TMEM196: variants seen among roughly 807,000 people sequenced by gnomAD.
TMEM196 encodes transmembrane protein 196.
Under a neutral mutation model 20.0 loss-of-function variants are expected in TMEM196, and 17 were observed. That is an observed-to-expected ratio of 0.85 (90% CI 0.58 to 1.27). The LOEUF is 1.27. TMEM196 is among the 50% of genes most tolerant of loss of function. The probability of loss-of-function intolerance (pLI) is 0.00; values close to 1 mark genes in which losing one functional copy is unlikely to be tolerated. For synonymous variants in TMEM196, 113 were observed against 88.9 expected (o/e 1.27, Z -1.52); for missense variants, 267 against 223.0 (o/e 1.20, Z -1.26).
At chr7:19,759,774 C>T (rs1212490595) in intron 1 of TMEM196, among the ~76,000 whole-genome samples, 1 of 152,008 alleles carries the variant, frequency 6.6e-6, no homozygotes, top group Non-Finnish European at 1.5e-5. Context: ...CTTAATACAT[C>T]CCCTCTATAA....
intron 1 of TMEM196, among the ~76,000 whole-genome samples, chr7:19,732,684 T>G (rs1275584833): frequency 2.6e-5 from 4 of 151,814 alleles, no homozygotes; most frequent in Admixed American, 2.6e-4. Context: ...ACTAGAAGTG[T>G]TCAATGAATA....
Position 19,772,835 on chromosome 7 carries a change from C to T in TMEM196, c.-139G>A, listed in dbSNP as rs771308593. On this transcript the variant is annotated 5_prime_UTR_variant, in exon 1 of 5. The change creates a new upstream start codon in the 5' untranslated region. Transcript: ENST00000405844. ...TTCTTCAAGAGCGAGGCATTATCCA[C>T]AAGGGCTGGATTTCCAGAAACGAAG... 1.3e-5 allele frequency: 11 copies of T among 850,744 alleles called. No homozygotes were observed. Among genetic ancestry groups the T allele is most frequent in the Non-Finnish European group, 1.8e-5 (11 of 625,092 alleles). 52.7% of individuals were successfully genotyped at this position (850,744 alleles called of 1,614,324 possible).
In TMEM196 at chr7:19,720,949, T is replaced by A. The variant is rs762541268; in HGVS notation, c.*1179A>T. ...TATCAATATCATCAATAATTTTAAG[T>A]CATGATATCTTTATAAATACGGAAG... On this transcript the variant is annotated 3_prime_UTR_variant, in exon 5 of 5. Coordinates refer to ENST00000405844, the MANE Select transcript of TMEM196 (RefSeq NM_001363562.2). The A allele has an allele frequency of 6.6e-6, 1 of 151,936 alleles. No individual in the cohort carries two copies. The highest frequency in any genetic ancestry group is 1.5e-5 in the Non-Finnish European group (1 of 67,816). The allele number at this position is 151,936 out of a possible 1,614,324, so 9.4% of individuals were successfully genotyped here. A position where few individuals can be genotyped will look rare whatever the true frequency, so the allele number is the denominator to read the frequency against.
rs955287309 is a variant in TMEM196 at position 19,723,226 on chromosome 7, T to C, written c.533+1054A>G. On this transcript the variant is annotated intron_variant, in intron 4 of 4. Transcript: ENST00000405844. ...CTCAGAAATCTGATTTGAGGCTTCA[T>C]TGAGGAACTCACCATTGATGGCAAA... Among the ~76,000 whole-genome samples, 4 of 152,130 alleles carry C rather than the reference T, an allele frequency of 2.6e-5. No homozygotes were observed. The East Asian group carries it at 5.8e-4, about 22-fold the overall frequency.
intron 1 of TMEM196, among the ~76,000 whole-genome samples, chr7:19,758,944 C>T (rs1269500811): frequency 6.6e-6 from 1 of 152,188 alleles, no homozygotes; most frequent in Admixed American, 6.5e-5. Flanking sequence ...AAAACTCCCC[C>T]TTTAGCTCTA....
chr7:19,722,298 G>T (rs1354591191), intron 4 of TMEM196, among the ~76,000 whole-genome samples, 164 bp from the exon 5 acceptor site: 2 of 152,032 alleles, frequency 1.3e-5, no homozygotes, highest in Admixed American at 6.6e-5. Context: ...AAATTTCATG[G>T]CATCTTGGAG....
At chr7:19,743,474 C>T (rs1053462022) in intron 1 of TMEM196, among the ~76,000 whole-genome samples, 3 of 152,142 alleles carry the variant, frequency 2.0e-5, no homozygotes, top group African/African-American at 4.8e-5. Context: ...CATGCTCTCT[C>T]TGTTTGTATC....
At position 19,722,128 on chromosome 7, in the gene TMEM196, T is replaced by C; in HGVS notation, c.540A>G (p.Ter180=). The part of the protein sequence containing the change: ...PPTPELPTRK[*] ...GGTCCTCCATTGCTCATGTTGTCTG[T>C]TATTTCCTGTTAGAAAAATGACATG... Residue 180 remains the stop codon, a stop_retained_variant, in exon 5 of 5, where the codon TAA becomes TAG. Transcript: ENST00000405844. 6.2e-7 allele frequency: 1 copy of C among 1,607,820 alleles called. No homozygotes were observed. Among genetic ancestry groups the C allele is most frequent in the South Asian group, 1.1e-5 (1 of 89,912 alleles).
chr7:19,745,950 A>G (rs1182078325), intron 1 of TMEM196, among the ~76,000 whole-genome samples: 1 of 152,028 alleles, frequency 6.6e-6, no homozygotes, highest in African/African-American at 2.4e-5. Context: ...TATTTTATTT[A>G]TTTTAAAGTG....
chr7:19,763,704 A>G (rs1785518749), intron 1 of TMEM196, among the ~76,000 whole-genome samples: 1 of 152,218 alleles, frequency 6.6e-6, no homozygotes. Flanking sequence ...AACGACGAAT[A>G]GAAACCACAC....
At chr7:19,753,588 T>C (rs1309371162) in intron 1 of TMEM196, among the ~76,000 whole-genome samples, 2 of 152,230 alleles carry the variant, frequency 1.3e-5, no homozygotes, top group Non-Finnish European at 2.9e-5. Flanking sequence ...TTAATTTTAA[T>C]ATTAAAGGCA....
intron 2 of TMEM196, among the ~76,000 whole-genome samples, chr7:19,728,041 G>A (rs1394241273): frequency 1.3e-5 from 2 of 151,948 alleles, no homozygotes; most frequent in Non-Finnish European, 2.9e-5. Flanking sequence ...CCACCTGGGC[G>A]GTAGTTTCTT....
At chr7:19,767,349 T>C (rs2128040316) in intron 1 of TMEM196, among the ~76,000 whole-genome samples, 1 of 152,200 alleles carries the variant, frequency 6.6e-6, no homozygotes, top group African/African-American at 2.4e-5. Flanking sequence ...TATCTGATTG[T>C]CAATCATCCA....
At chr7:19,744,497 C>G (rs1422758287) in intron 1 of TMEM196, among the ~76,000 whole-genome samples, 1 of 152,042 alleles carries the variant, frequency 6.6e-6, no homozygotes, top group African/African-American at 2.4e-5. Flanking sequence ...AAGGTTGCAG[C>G]AAGAAATAAT....
rs1042858079 is a variant in TMEM196, at chr7:19,740,798, G to A, written c.148-11360C>T. Among the ~76,000 whole-genome samples, 7 of 152,178 alleles carry A rather than the reference G, an allele frequency of 4.6e-5. No homozygotes were observed. In the South Asian group the frequency reaches 1.5e-3, roughly 32 times the overall value. On this transcript the variant is annotated intron_variant, in intron 1 of 4. Transcript: ENST00000405844. Reference sequence around the variant, plus strand: ...AATGAATTCAGAATCTGGAGGGTCAGGTATTTCAGGAACAAACTCAAAAGT... The same window carrying A: ...AATGAATTCAGAATCTGGAGGGTCAAGTATTTCAGGAACAAACTCAAAAGT...
chr7:19,727,355 A>C (rs545050353), intron 2 of TMEM196, among the ~76,000 whole-genome samples: 1 of 152,288 alleles, frequency 6.6e-6, no homozygotes, highest in African/African-American at 2.4e-5. Context: ...TTTCTTGAGA[A>C]TATGTCAGGT....
intron 1 of TMEM196, among the ~76,000 whole-genome samples, chr7:19,752,395 A>C (rs921093656): frequency 1.3e-5 from 2 of 152,132 alleles, no homozygotes; most frequent in African/African-American, 4.8e-5. Flanking sequence ...CATTAATTAC[A>C]GTGTGCCATT....
At chr7:19,755,664 T>C (rs1441109450) in intron 1 of TMEM196, among the ~76,000 whole-genome samples, 2 of 152,194 alleles carry the variant, frequency 1.3e-5, no homozygotes, top group Non-Finnish European at 2.9e-5. Context: ...GCCTTTCCAG[T>C]TTATGAATAT....
chr7:19,768,891 T>C (rs1277635088), intron 1 of TMEM196, among the ~76,000 whole-genome samples: 3 of 152,174 alleles, frequency 2.0e-5, no homozygotes, highest in Non-Finnish European at 4.4e-5. Context: ...TAAGCCCTTA[T>C]CTTTATTTTT....
Sources: gnomAD v4.1 joint callset for allele counts (sites outside exome capture counted in the v4.1 genomes callset) on GRCh38, gnomAD v4.1.1 for gene constraint, MANE v1.5 for transcripts, NCBI Gene and HGNC (gene_info 2026-07-23, HGNC 2026-07-21) for gene names.